The following HNRNPR variants were observed in gnomAD, a reference collection of about 807,000 sequenced individuals.
HNRNPR encodes the protein heterogeneous nuclear ribonucleoprotein R.
In HNRNPR, 4 loss-of-function variants were observed where a neutral mutation model predicts 70.3. The ratio of observed to expected loss-of-function variants is 0.06; its 90% CI spans 0.03 to 0.13. HNRNPR has a LOEUF of 0.13. Among genes scored for constraint, HNRNPR ranks in the 10% least tolerant of loss-of-function variants. HNRNPR has a pLI of 1.00. For synonymous variants in HNRNPR, 241 were observed against 267.6 expected (o/e 0.90, Z 0.97); for missense variants, 423 against 788.5 (o/e 0.54, Z 5.55).
In HNRNPR at chr1:23,338,577, T is replaced by C. The variant is rs1157284255; in HGVS notation, c.189A>G (p.Arg63=). Residue 63 remains arginine, a synonymous_variant, in exon 3 of 11, where the codon AGA becomes AGG. Coordinates refer to ENST00000302271, the MANE Select transcript of HNRNPR (RefSeq NM_005826.5). ...GLVAYVDLDE[R]AIDALREFNE... ...TAAATTCCCTGAGAGCATCAATTGC[T>C]CTTTCATCAAGATCGACATAAGCTA... 3 of 1,597,796 alleles carry C rather than the reference T, an allele frequency of 1.9e-6. No individual in the cohort carries two copies. Among genetic ancestry groups the C allele is most frequent in the Non-Finnish European group, 2.6e-6 (3 of 1,171,452 alleles).
intron 9 of HNRNPR, among the ~76,000 whole-genome samples, chr1:23,313,020 T>C (rs1354661071): frequency 6.6e-6 from 1 of 152,162 alleles, no homozygotes; most frequent in East Asian, 1.9e-4. Context: ...AAAGACTAAA[T>C]CAACTATTAT....
At chr1:23,333,092 G>C (rs1266318785) in intron 5 of HNRNPR, among the ~76,000 whole-genome samples, 1 of 152,138 alleles carries the variant, frequency 6.6e-6, no homozygotes, top group Non-Finnish European at 1.5e-5. Flanking sequence ...TGAGGCAGGA[G>C]AATCACTTGA....
rs112512401 is a variant in HNRNPR at position 23,335,942 on chromosome 1, C to A, written c.384+1812G>T. ...ACCATCCCGGCTAAAATGGTGAAAC[C>A]CCGTCTCTACTAAAAATACAAAAAA... On this transcript the variant is annotated intron_variant, in intron 4 of 10. Coordinates refer to ENST00000302271, the MANE Select transcript of HNRNPR (RefSeq NM_005826.5). 8.5e-3 allele frequency among the ~76,000 whole-genome samples: 1,238 copies of A among 145,680 alleles called. 12 individuals are homozygous for A. Among genetic ancestry groups the A allele is most frequent in the African/African-American group, 0.031 (1,181 of 38,530 alleles).
intron 4 of HNRNPR, among the ~76,000 whole-genome samples, chr1:23,336,194 G>C (rs904070903): frequency 6.6e-6 from 1 of 151,248 alleles, no homozygotes; most frequent in Non-Finnish European, 1.5e-5. Context: ...GGGAGGGTGA[G>C]GTAGGCAGAT....
intron 5 of HNRNPR, among the ~76,000 whole-genome samples, chr1:23,331,278 T>C (rs776776209): frequency 5.3e-5 from 8 of 152,008 alleles, no homozygotes; most frequent in African/African-American, 9.7e-5. Flanking sequence ...CCGAGTTTAT[T>C]AGGCCAGACA....
intron 9 of HNRNPR, among the ~76,000 whole-genome samples, chr1:23,312,231 C>T (rs1486047574): frequency 2.6e-5 from 4 of 152,166 alleles, no homozygotes; most frequent in Non-Finnish European, 5.9e-5. Flanking sequence ...CTCAGCTTTG[C>T]GTTGCTTCAG....
intron 5 of HNRNPR, among the ~76,000 whole-genome samples, chr1:23,327,414 G>A (rs1417723645): frequency 1.3e-5 from 2 of 152,166 alleles, no homozygotes; most frequent in African/African-American, 4.8e-5. Flanking sequence ...TGGGTCATGC[G>A]CAGTGGCTCA....
At chr1:23,332,047 G>A (rs949476889) in intron 5 of HNRNPR, among the ~76,000 whole-genome samples, 4 of 151,568 alleles carry the variant, frequency 2.6e-5, no homozygotes, top group Non-Finnish European at 5.9e-5. Context: ...CAGGAGAATC[G>A]CTTGAACCTG....
intron 7 of HNRNPR, among the ~76,000 whole-genome samples, chr1:23,320,250 T>C (rs964835727): frequency 6.6e-6 from 1 of 152,320 alleles, no homozygotes; most frequent in African/African-American, 2.4e-5. Flanking sequence ...GTCAAAGAAC[T>C]GTGCCAGCAG....
chr1:23,311,117 G>GA (rs1279254203), intron 10 of HNRNPR, 51 bp from the exon 11 acceptor site: 6 of 1,608,128 alleles, frequency 3.7e-6, no homozygotes, highest in Non-Finnish European at 5.1e-6. Context: ...TTTGCTTCAA[G>GA]ACTCTGATTT....
At chr1:23,343,867 G>C (rs1405644604) in intron 1 of HNRNPR, among the ~76,000 whole-genome samples, 2 of 152,140 alleles carry the variant, frequency 1.3e-5, no homozygotes, top group Non-Finnish European at 2.9e-5. Flanking sequence ...AGAAGCGGCA[G>C]GGCCGCGGGC....
rs149265389 is a variant in HNRNPR, at chr1:23,307,975, T to C, written c.*2479A>G. The C allele has an allele frequency of 6.4e-4, 97 of 152,156 alleles. No individual in the cohort carries two copies. Among genetic ancestry groups the C allele is most frequent in the African/African-American group, 2.3e-3 (95 of 41,564 alleles). 9.4% of individuals were successfully genotyped at this position (152,156 alleles called of 1,614,324 possible). A position where few individuals can be genotyped will look rare whatever the true frequency, so the allele number is the denominator to read the frequency against. On this transcript the variant is annotated 3_prime_UTR_variant, in exon 11 of 11. Transcript: ENST00000302271. The stretch of plus-strand genomic sequence containing the variant: ...CCTCAACTGACATTTTTCAGGTTTA[T>C]ATATTACACTGTTAGATTTATTTAT...
intron 8 of HNRNPR, among the ~76,000 whole-genome samples, chr1:23,317,229 C>T (rs1381356673): frequency 2.0e-5 from 3 of 152,042 alleles, no homozygotes; most frequent in African/African-American, 4.8e-5. Flanking sequence ...GAGGCCGAGG[C>T]GGGCGGTTCA....
At chr1:23,325,373 T>C (rs1645930094) in intron 5 of HNRNPR, among the ~76,000 whole-genome samples, 1 of 152,200 alleles carries the variant, frequency 6.6e-6, no homozygotes, top group Non-Finnish European at 1.5e-5. Context: ...CTACAACAGA[T>C]GTACTATCTA....
intron 5 of HNRNPR, among the ~76,000 whole-genome samples, chr1:23,325,562 T>C (rs2148402032): frequency 6.6e-6 from 1 of 152,278 alleles, no homozygotes; most frequent in East Asian, 1.9e-4. Context: ...CCTGAGAAAG[T>C]CATTGGTTTC....
chr1:23,337,950 G>T, intron 3 of HNRNPR, 89 bp from the exon 4 acceptor site: 1 of 806,702 alleles, frequency 1.2e-6, no homozygotes, highest in East Asian at 2.5e-5. Flanking sequence ...CAGAAAACCA[G>T]GATTTTAACA....
chr1:23,326,591 C>T (rs1365905200), intron 5 of HNRNPR, among the ~76,000 whole-genome samples: 1 of 152,150 alleles, frequency 6.6e-6, no homozygotes, highest in Non-Finnish European at 1.5e-5. Context: ...TCAAGACCAG[C>T]CTGGCCAACA....
chr1:23,337,634 G>A (rs932374174), intron 4 of HNRNPR, 120 bp downstream of exon 4: 13 of 628,676 alleles, frequency 2.1e-5, no homozygotes, highest in East Asian at 8.4e-5. Context: ...CAGCCTGGGC[G>A]ACAGAGCAAG....
intron 1 of HNRNPR, among the ~76,000 whole-genome samples, chr1:23,342,295 T>C (rs960343387): frequency 1.3e-5 from 2 of 151,946 alleles, no homozygotes; most frequent in Non-Finnish European, 2.9e-5. Context: ...TTAGTTGAAG[T>C]TAACGAAAGA....
Sources: allele counts gnomAD v4.1 joint callset (sites outside exome capture counted in the v4.1 genomes callset), GRCh38; gene constraint gnomAD v4.1.1; transcripts MANE v1.5; gene names NCBI Gene and HGNC (gene_info 2026-07-23, HGNC 2026-07-21).